The following OR7C1 variants were observed in gnomAD, a reference collection of about 807,000 sequenced individuals.
The protein encoded by OR7C1 is olfactory receptor family 7 subfamily C member 1.
For synonymous variants in OR7C1, 152 were observed against 160.7 expected, an observed-to-expected ratio of 0.95 and a Z score of 0.41; for missense variants, 324 against 383.3, an observed-to-expected ratio of 0.85 and a Z score of 1.29.
intron 1 of OR7C1, among the ~76,000 whole-genome samples, chr19:14,814,510 A>G (rs1021192188): frequency 6.6e-6 from 1 of 151,320 alleles, no homozygotes; most frequent in African/African-American, 2.4e-5. Flanking sequence ...TGCAACCTCC[A>G]CCTCCCGGGT....
In OR7C1 at chr19:14,799,136, C is replaced by G. The variant is rs137933275; in HGVS notation, c.*38G>C. ...ATTGATGTTTGGATACATTCAAGAA[C>G]CACCAAAAGTGCCTCCCAATGGTCC... On this transcript the variant is annotated 3_prime_UTR_variant, in exon 5 of 5. Coordinates refer to ENST00000641666, the Ensembl canonical transcript of OR7C1. 302 of 1,552,272 alleles carry G rather than the reference C, an allele frequency of 1.9e-4. 1 individual carries two copies. The African/African-American group carries it at 3.5e-3, about 18-fold the overall frequency.
chr19:14,802,948 C>A (rs1348738408), intron 2 of OR7C1, among the ~76,000 whole-genome samples: 1 of 152,086 alleles, frequency 6.6e-6, no homozygotes, highest in Non-Finnish European at 1.5e-5. Flanking sequence ...TTCCTGCTGG[C>A]AGCAAAGTAC....
chr19:14,803,607 CT>C, intron 2 of OR7C1, among the ~76,000 whole-genome samples: 1 of 152,024 alleles, frequency 6.6e-6, no homozygotes, highest in East Asian at 1.9e-4. Flanking sequence ...TTACAGGCTG[CT>C]TTTTGTTAGA....
At chr19:14,834,033 G>A (rs117023941) in intron 1 of OR7C1, among the ~76,000 whole-genome samples, 2,169 of 125,504 alleles carry the variant, frequency 0.017, 25 homozygotes, top group East Asian at 0.039. Context: ...GCTGAGGCAA[G>A]TAAATTGCTT....
rs527655261 is a variant in OR7C1, at chr19:14,814,250, T to C, written c.-622-4257A>G. ...GCAGAGTGAAAAGACAACCTATGGG[T>C]TGGCAGGAAACATTCACAAACCATC... On this transcript the variant is annotated intron_variant, in intron 1 of 4. Coordinates refer to ENST00000641666, the Ensembl canonical transcript of OR7C1. 2.6e-5 allele frequency among the ~76,000 whole-genome samples: 4 copies of C among 152,180 alleles called. No individual in the cohort carries two copies. In the East Asian group the frequency reaches 7.7e-4, roughly 29 times the overall value.
chr19:14,811,403 C>CTG (rs2044690268), intron 1 of OR7C1, among the ~76,000 whole-genome samples: 1 of 151,870 alleles, frequency 6.6e-6, no homozygotes, highest in African/African-American at 2.4e-5. Context: ...TCCTCTGCAC[C>CTG]TGTGTGTGTT....
chr19:14,816,931 T>G (rs886431507), intron 1 of OR7C1, among the ~76,000 whole-genome samples: 3 of 152,080 alleles, frequency 2.0e-5, no homozygotes, highest in African/African-American at 7.2e-5. Context: ...AAAATTTCCT[T>G]ACTGTCCAGA....
rs187224718 is a variant in OR7C1 at position 14,822,899 on chromosome 19, A to G, written c.-623+12175T>C. On this transcript the variant is annotated intron_variant, in intron 1 of 4. Transcript: ENST00000641666. ...GTTTCCTTGATGTTGAGTTTCTTCT[A>G]TATTGGGATATTAACCCCTTATCAT... Among the ~76,000 whole-genome samples the G allele has an allele frequency of 8.3e-4, 123 of 148,766 alleles. 1 individual carries two copies. Among genetic ancestry groups the G allele is most frequent in the Middle Eastern group, 6.9e-3 (2 of 290 alleles).
chr19:14,805,223 C>T (rs2044660590), intron 2 of OR7C1, among the ~76,000 whole-genome samples: 1 of 151,180 alleles, frequency 6.6e-6, no homozygotes, highest in South Asian at 2.1e-4. Context: ...CTCCTCCTGC[C>T]TGCAAAAAAA....
chr19:14,814,241 A>G (rs927613114), intron 1 of OR7C1, among the ~76,000 whole-genome samples: 9 of 152,186 alleles, frequency 5.9e-5, no homozygotes, highest in Non-Finnish European at 1.2e-4. Context: ...TGAAAAGACA[A>G]CCTATGGGTT....
intron 1 of OR7C1, among the ~76,000 whole-genome samples, chr19:14,822,442 T>C (rs1420962906): frequency 7.3e-6 from 1 of 137,850 alleles, no homozygotes; most frequent in Non-Finnish European, 1.5e-5. Flanking sequence ...TAGAGTGCAG[T>C]GGTGCGATCT....
chr19:14,805,058 G>A (rs2044659849), intron 2 of OR7C1, among the ~76,000 whole-genome samples: 4 of 151,850 alleles, frequency 2.6e-5, no homozygotes, highest in Non-Finnish European at 5.9e-5. Context: ...TAGATAGATA[G>A]GAAGTTTGAT....
chr19:14,814,361 T>C (rs1219835107), intron 1 of OR7C1, among the ~76,000 whole-genome samples: 2 of 148,902 alleles, frequency 1.3e-5, no homozygotes, highest in Non-Finnish European at 2.9e-5. Context: ...TATTAAAAAA[T>C]GGACAAAGAA....
intron 1 of OR7C1, chr19:14,821,449 G>GA (rs2044740852): frequency 6.6e-6 from 1 of 152,140 alleles, no homozygotes; most frequent in South Asian, 2.1e-4. Flanking sequence ...CTCTTCTCTT[G>GA]AGCTCTTCAT....
intron 1 of OR7C1, among the ~76,000 whole-genome samples, chr19:14,815,141 G>A (rs1475058492): frequency 6.6e-6 from 1 of 152,192 alleles, no homozygotes; most frequent in East Asian, 1.9e-4. Context: ...TATTCCAGCA[G>A]CCATAACTAC....
chr19:14,806,155 GGCAATACCTA>G (rs2044665699), intron 2 of OR7C1, among the ~76,000 whole-genome samples: 1 of 151,750 alleles, frequency 6.6e-6, no homozygotes, highest in Non-Finnish European at 1.5e-5. Context: ...TGAATACCTG[GGCAATACCTA>G]GTGTCCTTGG....
intron 1 of OR7C1, among the ~76,000 whole-genome samples, chr19:14,822,477 C>A (rs1168715307): frequency 1.3e-5 from 2 of 148,538 alleles, no homozygotes; most frequent in African/African-American, 5.0e-5. Flanking sequence ...CTCCACCACC[C>A]AAGTTCAAGC....
At chr19:14,830,705 G>C (rs2044823261) in intron 1 of OR7C1, among the ~76,000 whole-genome samples, 1 of 152,158 alleles carries the variant, frequency 6.6e-6, no homozygotes, top group Non-Finnish European at 1.5e-5. Context: ...AGTAAATAAA[G>C]TTATCCAAAA....
chr19:14,811,192 G>C (rs924441794), intron 1 of OR7C1, among the ~76,000 whole-genome samples: 1 of 151,854 alleles, frequency 6.6e-6, no homozygotes, highest in East Asian at 1.9e-4. Context: ...ACCACAAACT[G>C]GGTGGCTGAA....
Sources: allele counts gnomAD v4.1 joint callset (sites outside exome capture counted in the v4.1 genomes callset), GRCh38; gene constraint gnomAD v4.1.1; transcripts MANE v1.5; gene names NCBI Gene and HGNC (gene_info 2026-07-23, HGNC 2026-07-21).